The following SUPT3H variants were observed in gnomAD, a reference collection of about 807,000 sequenced individuals.
SUPT3H encodes the protein SPT3 homolog, SAGA and STAGA complex component, also known as transcription initiation protein SPT3 homolog.
In SUPT3H, 44 loss-of-function variants were observed where a neutral mutation model predicts 44.3. The ratio of observed to expected loss-of-function variants is 0.99; its 90% CI spans 0.78 to 1.28. The LOEUF (loss-of-function observed/expected upper bound fraction) is 1.28, where lower values mean the gene tolerates loss of function less well. Among genes scored for constraint, SUPT3H ranks in the 50% most tolerant of loss-of-function variants. SUPT3H has a pLI of 0.00. For synonymous variants in SUPT3H, 124 were observed against 125.6 expected (o/e 0.99, Z 0.09); for missense variants, 380 against 387.1 (o/e 0.98, Z 0.15).
chr6:45,071,809 C>T (rs918665377), intron 3 of SUPT3H, among the ~76,000 whole-genome samples: 7 of 152,176 alleles, frequency 4.6e-5, no homozygotes, highest in Non-Finnish European at 8.8e-5. Context: ...TTCAGACATA[C>T]ATCCTTCAAT....
chr6:45,206,428 G>T lies in SUPT3H; in HGVS notation c.102-100422C>A, dbSNP rs1256966926. Among the ~76,000 whole-genome samples the T allele has an allele frequency of 2.0e-5, 3 of 152,000 alleles. No homozygotes were observed. The East Asian group carries it at 5.8e-4, about 29-fold the overall frequency. On this transcript the variant is annotated intron_variant, in intron 2 of 10. Transcript: ENST00000371459. ...CTAGCAGAAGGTGAGGGCAAGAGCA[G>T]AAGAAACTGAGATCAGAAAAGTAGT...
intron 2 of SUPT3H, among the ~76,000 whole-genome samples, chr6:45,124,574 C>T (rs1449883390): frequency 2.0e-5 from 3 of 150,134 alleles, no homozygotes; most frequent in African/African-American, 7.4e-5. Flanking sequence ...GAACCCGGGA[C>T]GCGGAGGTTG....
At position 45,334,427 on chromosome 6, in the gene SUPT3H, C is replaced by T. The variant is rs1010900510; in HGVS notation, c.101+30774G>A. ...ATAGTCATGTATCTTACACCTACAT[C>T]TATTTTGTGCTTCAGGAAAAGCAAA... On this transcript the variant is annotated intron_variant, in intron 2 of 10. Coordinates refer to ENST00000371459, the MANE Select transcript of SUPT3H (RefSeq NM_003599.4). Among the ~76,000 whole-genome samples, 7 of 124,192 alleles carry T rather than the reference C, an allele frequency of 5.6e-5. No homozygotes were observed. In the South Asian group the frequency reaches 8.2e-4, roughly 15 times the overall value. 81.5% of individuals were successfully genotyped at this position (124,192 alleles called of 152,430 possible). A position where few individuals can be genotyped will look rare whatever the true frequency, so the allele number is the denominator to read the frequency against.
chr6:45,244,098 G>T (rs1049505304), intron 2 of SUPT3H, among the ~76,000 whole-genome samples: 2 of 152,030 alleles, frequency 1.3e-5, no homozygotes, highest in African/African-American at 4.8e-5. Context: ...TGCCCAGGCT[G>T]GTCTCAAACT....
chr6:45,022,042 A>T (rs768750993), intron 3 of SUPT3H, among the ~76,000 whole-genome samples: 2 of 152,070 alleles, frequency 1.3e-5, no homozygotes, highest in African/African-American at 4.8e-5. Context: ...ATATATGTGC[A>T]CATGCTTTTC....
intron 3 of SUPT3H, among the ~76,000 whole-genome samples, chr6:45,034,116 C>T (rs962822712): frequency 3.3e-5 from 5 of 152,020 alleles, no homozygotes; most frequent in African/African-American, 1.2e-4. Flanking sequence ...AGGGAAATGA[C>T]CAGGGAGATT....
chr6:45,117,378 T>G lies in SUPT3H; in HGVS notation c.102-11372A>C, dbSNP rs567551085. 2.0e-5 allele frequency among the ~76,000 whole-genome samples: 3 copies of G among 152,106 alleles called. No individual in the cohort carries two copies. The East Asian group carries it at 5.8e-4, about 29-fold the overall frequency. ...CTCATTTAAATTTTTACTCTAAAACTGTGACATTACCTTAATGAAAGTAAA... is the reference window on the plus strand; with the variant it reads ...CTCATTTAAATTTTTACTCTAAAACGGTGACATTACCTTAATGAAAGTAAA... On this transcript the variant is annotated intron_variant, in intron 2 of 10. Transcript: ENST00000371459.
intron 6 of SUPT3H, among the ~76,000 whole-genome samples, chr6:44,966,625 G>C (rs1470253909): frequency 2.0e-5 from 3 of 152,028 alleles, no homozygotes; most frequent in African/African-American, 7.2e-5. Context: ...AAGTTTCTCA[G>C]AAAACAGTTA....
At chr6:44,978,760 G>A (rs2153488153) in intron 6 of SUPT3H, among the ~76,000 whole-genome samples, 1 of 152,256 alleles carries the variant, frequency 6.6e-6, no homozygotes, top group Admixed American at 6.5e-5. Context: ...GGGAGGACTA[G>A]GGTGAGGGTG....
At chr6:45,296,992 C>T (rs1781391809) in intron 2 of SUPT3H, among the ~76,000 whole-genome samples, 1 of 147,446 alleles carries the variant, frequency 6.8e-6, no homozygotes, top group Non-Finnish European at 1.5e-5. Context: ...GTGATGAGTA[C>T]ACCAAAATCT....
chr6:44,978,497 C>A (rs1184684990), intron 6 of SUPT3H, among the ~76,000 whole-genome samples: 1 of 152,080 alleles, frequency 6.6e-6, no homozygotes, highest in African/African-American at 2.4e-5. Context: ...ATACTACAAA[C>A]AGTTTGGTAA....
At chr6:45,343,526 A>G (rs556019347) in intron 2 of SUPT3H, among the ~76,000 whole-genome samples, 21 of 152,082 alleles carry the variant, frequency 1.4e-4, no homozygotes, top group Non-Finnish European at 3.1e-4. Context: ...TACACCCCTC[A>G]GTTTACCCAC....
chr6:44,994,159 T>G (rs1051504222), intron 6 of SUPT3H, among the ~76,000 whole-genome samples: 14 of 152,136 alleles, frequency 9.2e-5, no homozygotes, highest in Non-Finnish European at 1.5e-4. Context: ...ATTGGTCAGT[T>G]ATTACTCTAG....
Position 44,829,800 on chromosome 6 carries a change from C to T in SUPT3H, c.*16G>A. 1 of 1,612,384 alleles carries T rather than the reference C, an allele frequency of 6.2e-7. No homozygotes were observed. Among genetic ancestry groups the T allele is most frequent in the Non-Finnish European group, 8.5e-7 (1 of 1,178,810 alleles). On this transcript the variant is annotated 3_prime_UTR_variant, in exon 11 of 11. Coordinates refer to ENST00000371459, the MANE Select transcript of SUPT3H (RefSeq NM_003599.4). Reference sequence around the variant, plus strand: ...ATTGCCTTTCCTGTTGTTGCAGGCACATCACAGTTGTCACATCAGCAGGCT... The same window carrying T: ...ATTGCCTTTCCTGTTGTTGCAGGCATATCACAGTTGTCACATCAGCAGGCT...
chr6:45,281,412 T>C (rs1029532081), intron 2 of SUPT3H, among the ~76,000 whole-genome samples: 5 of 152,090 alleles, frequency 3.3e-5, no homozygotes, highest in African/African-American at 9.7e-5. Flanking sequence ...GCTTTTCCAA[T>C]GGTCTTAGCA....
chr6:45,105,998 A>G lies in SUPT3H; in HGVS notation c.110T>C (p.Leu37Ser). The change falls in exon 3 of 11, where the codon TTA becomes TCA. Residue 37 changes from leucine to serine, a missense_variant. Physicochemically the swap from Leu to Ser is moderately radical, Grantham distance 145 (BLOSUM62 -2). Transcript: ENST00000371459. ...ATGAAGAGGCCTTCTAGCATCACCT[A>G]AAGAATACCTGCAAAATAATTTTAA... ...ATELQSMMYS[L>S]GDARRPLHET... 6.2e-7 allele frequency: 1 copy of G among 1,613,380 alleles called. No homozygotes were observed. The highest frequency in any genetic ancestry group is 1.3e-5 in the African/African-American group (1 of 75,038).
At chr6:44,833,375 G>T (rs1769218056) in intron 10 of SUPT3H, among the ~76,000 whole-genome samples, 1 of 152,078 alleles carries the variant, frequency 6.6e-6, no homozygotes, top group African/African-American at 2.4e-5. Context: ...GGTACAACAG[G>T]ACACTAAGAT....
At chr6:45,212,297 T>G (rs1173159046) in intron 2 of SUPT3H, among the ~76,000 whole-genome samples, 1 of 152,244 alleles carries the variant, frequency 6.6e-6, no homozygotes, top group Non-Finnish European at 1.5e-5. Flanking sequence ...GAACTTTTAA[T>G]ATAACTTTTA....
chr6:45,211,851 T>TAA (rs200790429), intron 2 of SUPT3H, among the ~76,000 whole-genome samples: 2 of 131,998 alleles, frequency 1.5e-5, no homozygotes, highest in Non-Finnish European at 1.6e-5. Context: ...CCGTCTCAAC[T>TAA]AAAAAAAAAA....
Sources: allele counts gnomAD v4.1 joint callset (sites outside exome capture counted in the v4.1 genomes callset), GRCh38; gene constraint gnomAD v4.1.1; transcripts MANE v1.5; gene names NCBI Gene and HGNC (gene_info 2026-07-23, HGNC 2026-07-21).